MMP26: variants seen among roughly 807,000 people sequenced by gnomAD.
MMP26 encodes matrix metallopeptidase 26, also known as matrix metalloproteinase-26.
In MMP26, 33 loss-of-function variants were observed where a neutral mutation model predicts 31.0. The observed-to-expected ratio is 1.06, with a 90% confidence interval of 0.81 to 1.42. MMP26 has a LOEUF of 1.42. Among genes scored for constraint, MMP26 ranks in the 40% most tolerant of loss-of-function variants. The pLI is 0.00. For synonymous variants in MMP26, 122 were observed against 114.9 expected (o/e 1.06, Z -0.40); for missense variants, 347 against 316.1 (o/e 1.10, Z -0.74).
At chr11:4,722,470 C>CTTTTTTTTT (rs60627073) in intron 1 of MMP26, among the ~76,000 whole-genome samples, 1 of 63,994 alleles carries the variant, frequency 1.6e-5, no homozygotes, top group Non-Finnish European at 3.0e-5. Context: ...GAAGTAATTA[C>CTTTTTTTTT]TTTTTTTTTT....
At chr11:4,780,774 A>G (rs1848847884) in intron 2 of MMP26, among the ~76,000 whole-genome samples, 1 of 152,006 alleles carries the variant, frequency 6.6e-6, no homozygotes, top group Non-Finnish European at 1.5e-5. Context: ...ATTTCTCCAT[A>G]GTAGTATAAA....
chr11:4,967,996 A>G (rs1316705934), intron 2 of MMP26, among the ~76,000 whole-genome samples: 2 of 152,158 alleles, frequency 1.3e-5, no homozygotes, highest in South Asian at 2.1e-4. Flanking sequence ...ACCCCTAATT[A>G]TTCTTTATGA....
At chr11:4,914,902 C>A in intron 2 of MMP26, 1 of 1,614,036 alleles carries the variant, frequency 6.2e-7, no homozygotes, top group Non-Finnish European at 8.5e-7. Flanking sequence ...TGTAGAAGAG[C>A]AGCACAGCAC....
chr11:4,986,598 T>C (rs1397048724), intron 2 of MMP26, among the ~76,000 whole-genome samples: 1 of 135,006 alleles, frequency 7.4e-6, no homozygotes, highest in Non-Finnish European at 1.6e-5. Context: ...TGGCATGATC[T>C]CGGCTCACTG....
intron 1 of MMP26, among the ~76,000 whole-genome samples, chr11:4,741,539 A>G (rs1848311435): frequency 6.6e-6 from 1 of 151,952 alleles, no homozygotes; most frequent in African/African-American, 2.4e-5. Flanking sequence ...TCAGCACACT[A>G]CTACAGGAAC....
At chr11:4,749,989 C>T (rs919121994) in intron 1 of MMP26, among the ~76,000 whole-genome samples, 1 of 152,050 alleles carries the variant, frequency 6.6e-6, no homozygotes, top group African/African-American at 2.4e-5. Context: ...ACAGAGTGAA[C>T]AGATAACTTG....
chr11:4,709,489 A>C, intron 1 of MMP26: 2 of 366,188 alleles, frequency 5.5e-6, no homozygotes, highest in Non-Finnish European at 1.1e-5. Context: ...TGGTGTATAG[A>C]AGAAAGTGAA....
chr11:4,956,781 A>C (rs1846450081), intron 2 of MMP26, among the ~76,000 whole-genome samples: 1 of 152,138 alleles, frequency 6.6e-6, no homozygotes, highest in Non-Finnish European at 1.5e-5. Context: ...AAATCTTCCT[A>C]GTTTAAGGGA....
At chr11:4,829,251 A>G in intron 2 of MMP26, among the ~76,000 whole-genome samples, 1 of 152,138 alleles carries the variant, frequency 6.6e-6, no homozygotes, top group Middle Eastern at 3.2e-3. Flanking sequence ...GGCCCATGTT[A>G]TAGTATAAGT....
chr11:4,933,573 T>C (rs1589943517), intron 2 of MMP26, among the ~76,000 whole-genome samples: 1 of 145,234 alleles, frequency 6.9e-6, no homozygotes, highest in South Asian at 2.2e-4. Flanking sequence ...TTGTTTTTTT[T>C]ATTTTTATTT....
rs140656149 is a variant in MMP26 at position 4,930,622 on chromosome 11, C to T, written c.-144-57446C>T. Among the ~76,000 whole-genome samples the T allele has an allele frequency of 4.0e-3, 602 of 152,082 alleles. 4 individuals are homozygous for T. The highest frequency in any genetic ancestry group is 7.2e-3 in the Admixed American group (109 of 15,228). ...ATGTCTTTGCTCAAAACAAAATAGA[C>T]GTCTTTAATCAAAGTATTGAAAAGT... is the stretch of plus-strand genomic sequence containing the variant. On this transcript the variant is annotated intron_variant, in intron 2 of 7. Transcript: ENST00000380390.
In MMP26 at chr11:4,704,787, T is replaced by A. The variant is rs889120913; in HGVS notation, c.-475T>A. 1.3e-5 allele frequency: 2 copies of A among 152,160 alleles called. No individual in the cohort carries two copies. The highest frequency in any genetic ancestry group is 4.8e-5 in the African/African-American group (2 of 41,412). 9.4% of individuals were successfully genotyped at this position (152,160 alleles called of 1,614,324 possible). On this transcript the variant is annotated 5_prime_UTR_variant, in exon 1 of 8. Transcript: ENST00000380390. ...GGCTGTTTTTCTCAAATCTGGTAGT[T>A]CTCCTATTCCTGAATTTTTTCCCTA...
rs573573094 is a variant in MMP26, at chr11:4,753,155, T to C, written c.-216-14115T>C. Among the ~76,000 whole-genome samples the C allele has an allele frequency of 1.2e-4, 18 of 152,272 alleles. No homozygotes were observed. In the South Asian group the frequency reaches 3.7e-3, roughly 32 times the overall value. ...TGTAACCGTGCCCAAGATCAACTAA[T>C]TGAACATGGCCAGCATCCCAGAAGA... On this transcript the variant is annotated intron_variant, in intron 1 of 7. Transcript: ENST00000380390.
chr11:4,735,827 T>C (rs1430395327), intron 1 of MMP26, among the ~76,000 whole-genome samples: 2 of 152,136 alleles, frequency 1.3e-5, no homozygotes, highest in African/African-American at 4.8e-5. Flanking sequence ...AAAAATCAAA[T>C]AGAACAGAAT....
chr11:4,895,417 C>A (rs984391913), intron 2 of MMP26, among the ~76,000 whole-genome samples: 7 of 152,198 alleles, frequency 4.6e-5, no homozygotes, highest in Admixed American at 3.9e-4. Context: ...TATGGACTGA[C>A]TTCCGACCCT....
intron 1 of MMP26, among the ~76,000 whole-genome samples, chr11:4,759,924 C>T (rs945994610): frequency 3.3e-5 from 5 of 152,148 alleles, no homozygotes; most frequent in African/African-American, 9.7e-5. Context: ...GTCGGCCTCT[C>T]GCTAGTCAAA....
intron 2 of MMP26, among the ~76,000 whole-genome samples, chr11:4,975,284 A>G (rs1846722095): frequency 6.6e-6 from 1 of 152,030 alleles, no homozygotes; most frequent in Non-Finnish European, 1.5e-5. Context: ...ATAAATTTTT[A>G]TTACTGTGGC....
At chr11:4,715,675 T>C (rs1847920829) in intron 1 of MMP26, among the ~76,000 whole-genome samples, 2 of 152,128 alleles carry the variant, frequency 1.3e-5, no homozygotes, top group Non-Finnish European at 2.9e-5. Context: ...TCAAGAGACA[T>C]TTCAGAAGTT....
chr11:4,843,893 C>T lies in MMP26; in HGVS notation c.-145+76552C>T, dbSNP rs558906028. On this transcript the variant is annotated intron_variant, in intron 2 of 7. Coordinates refer to ENST00000380390, the MANE Select transcript of MMP26 (RefSeq NM_021801.5). ...TTTGTTCATGCATATGGGTGTACAC[C>T]GTTATAAGAAGAAAATAAATAATAA... is the stretch of plus-strand genomic sequence containing the variant. Among the ~76,000 whole-genome samples, 43 of 151,660 alleles carry T rather than the reference C, an allele frequency of 2.8e-4. 1 individual carries two copies. The South Asian group carries it at 6.3e-3, about 22-fold the overall frequency.
Sources: allele counts gnomAD v4.1 joint callset (sites outside exome capture counted in the v4.1 genomes callset), GRCh38; gene constraint gnomAD v4.1.1; transcripts MANE v1.5; gene names NCBI Gene and HGNC (gene_info 2026-07-23, HGNC 2026-07-21).